Variants in FAM83A observed in about 807,000 individuals in gnomAD.
FAM83A encodes scaffolding CK1 anchoring protein A.
A neutral mutation model predicts 24.4 loss-of-function variants in FAM83A; 21 were observed. The ratio of observed to expected loss-of-function variants is 0.86; its 90% CI spans 0.61 to 1.24. The LOEUF is 1.24. Ranked by LOEUF, FAM83A falls within the 50% of genes most tolerant of loss-of-function variation. The probability of loss-of-function intolerance (pLI) is 0.00; values close to 1 mark genes in which losing one functional copy is unlikely to be tolerated. For synonymous variants in FAM83A, 270 were observed against 252.4 expected (o/e 1.07, Z -0.66); for missense variants, 617 against 579.8 (o/e 1.06, Z -0.66).
chr8:123,182,485 C>G (rs375653911), upstream of FAM83A: 5 of 456,322 alleles, frequency 1.1e-5, no homozygotes, highest in South Asian at 8.4e-5. Flanking sequence ...GTAACAAAGG[C>G]CTGAGGGAGA....
intron 1 of FAM83A, among the ~76,000 whole-genome samples, chr8:123,186,685 C>T (rs1181878889): frequency 3.9e-5 from 6 of 152,158 alleles, no homozygotes; most frequent in African/African-American, 9.7e-5. Flanking sequence ...CAAAAATTAG[C>T]TCGGTGTGGT....
At chr8:123,202,536 T>TGG (rs1164874165) in intron 3 of FAM83A, 1 of 152,762 alleles carries the variant, frequency 6.5e-6, no homozygotes, top group Non-Finnish European at 1.5e-5. Flanking sequence ...GGGACTGGAC[T>TGG]GGGTATGTTT....
chr8:123,191,952 C>A (rs1213332576), exon 2 of FAM83A: 1 of 1,614,134 alleles, frequency 6.2e-7, no homozygotes, highest in Non-Finnish European at 8.5e-7. Context: ...AAGTCCAGAT[C>A]TCTGACAGTC....
upstream of FAM83A, chr8:123,179,619 TA>T (rs1208295534): frequency 6.6e-6 from 1 of 152,206 alleles, no homozygotes; most frequent in African/African-American, 2.4e-5. Flanking sequence ...TGAGTGGCAC[TA>T]ACATGTACGG....
At chr8:123,194,053 G>C in exon 3 of FAM83A, 1 of 1,614,230 alleles carries the variant, frequency 6.2e-7, no homozygotes, top group Non-Finnish European at 8.5e-7. Context: ...TGGAAGGAGA[G>C]ATATACTGTG....
intron 1 of FAM83A, among the ~76,000 whole-genome samples, chr8:123,185,672 G>A (rs1823767782): frequency 6.6e-6 from 1 of 152,196 alleles, no homozygotes; most frequent in Non-Finnish European, 1.5e-5. Flanking sequence ...CTGTTGTCCT[G>A]GGACCCTCAG....
intron 3 of FAM83A, among the ~76,000 whole-genome samples, chr8:123,196,901 T>C (rs1042931459): frequency 6.6e-6 from 1 of 152,216 alleles, no homozygotes; most frequent in Non-Finnish European, 1.5e-5. Flanking sequence ...CACAGGCCTG[T>C]TGTTTAGCTA....
intron 3 of FAM83A, among the ~76,000 whole-genome samples, chr8:123,205,172 G>A (rs766839976): frequency 1.3e-5 from 2 of 152,252 alleles, no homozygotes; most frequent in African/African-American, 2.4e-5. Context: ...CGGGTGTGCA[G>A]GTGTGGCGGG....
At chr8:123,207,310 G>C (rs1243831155) in exon 4 of FAM83A, 2 of 1,610,268 alleles carry the variant, frequency 1.2e-6, no homozygotes, top group Non-Finnish European at 1.7e-6. Flanking sequence ...CCCCCGTCCC[G>C]CCCGGAGCAG....
intron 1 of FAM83A, among the ~76,000 whole-genome samples, chr8:123,184,325 C>A (rs1293751882): frequency 6.6e-6 from 1 of 152,088 alleles, no homozygotes; most frequent in Non-Finnish European, 1.5e-5. Context: ...AACGGGGCCA[C>A]TCCGCTGGGC....
Position 123,188,553 on chromosome 8 carries a change from G to A in FAM83A, c.481-3250G>A, listed in dbSNP as rs746688117. The stretch of plus-strand genomic sequence containing the variant: ...GGCTGGAGTGCGGTGGTGAGATGTC[G>A]GCTCACTGCAACCTCTGCCTCCCAG... On this transcript the variant is annotated intron_variant, in intron 1 of 3. Transcript: ENST00000690554. 5.3e-5 allele frequency among the ~76,000 whole-genome samples: 8 copies of A among 150,512 alleles called. No individual in the cohort carries two copies. The South Asian group carries it at 6.4e-4, about 12-fold the overall frequency.
intron 3 of FAM83A, among the ~76,000 whole-genome samples, chr8:123,205,910 C>T (rs528119818): frequency 6.6e-6 from 1 of 152,006 alleles, no homozygotes; most frequent in East Asian, 1.9e-4. Context: ...TTTGGGAGGC[C>T]GAGGCGGGCG....
chr8:123,200,994 T>A, intron 3 of FAM83A, among the ~76,000 whole-genome samples: 1 of 144,588 alleles, frequency 6.9e-6, no homozygotes, highest in African/African-American at 2.6e-5. Context: ...TACACATATA[T>A]ACAAAAAAAA....
exon 4 of FAM83A, chr8:123,207,244 C>T: frequency 6.2e-7 from 1 of 1,612,954 alleles, no homozygotes; most frequent in Non-Finnish European, 8.5e-7. Context: ...AGGAGTTCCG[C>T]CACCTCTACG....
chr8:123,197,236 A>G (rs942802498), intron 3 of FAM83A, among the ~76,000 whole-genome samples: 2 of 152,222 alleles, frequency 1.3e-5, no homozygotes, highest in African/African-American at 2.4e-5. Context: ...CAAACGTTAT[A>G]GAATTTGAAG....
intron 1 of FAM83A, among the ~76,000 whole-genome samples, chr8:123,186,311 C>A (rs1044828651): frequency 7.2e-5 from 11 of 152,314 alleles, no homozygotes; most frequent in Non-Finnish European, 1.0e-4. Context: ...CCCATAGACA[C>A]AGCTGGGGAG....
At chr8:123,204,278 A>T (rs1824465710) in intron 3 of FAM83A, among the ~76,000 whole-genome samples, 1 of 152,108 alleles carries the variant, frequency 6.6e-6, no homozygotes, top group South Asian at 2.1e-4. Flanking sequence ...AAGAGAAAAA[A>T]TTTTTAAAAA....
At chr8:123,183,691 T>C (rs193035603) in intron 1 of FAM83A, among the ~76,000 whole-genome samples, 52 of 150,268 alleles carry the variant, frequency 3.5e-4, no homozygotes, top group African/African-American at 1.3e-3. Flanking sequence ...TTCTTTTTTT[T>C]TTTCTTTTTT....
chr8:123,208,712 G>A (rs544454233), exon 4 of FAM83A: 1 of 985,540 alleles, frequency 1.0e-6, no homozygotes, highest in Admixed American at 6.1e-5. Flanking sequence ...GCATACAGGA[G>A]GGGCCAGGCG....
Sources: allele counts gnomAD v4.1 joint callset (sites outside exome capture counted in the v4.1 genomes callset), GRCh38; gene constraint gnomAD v4.1.1; transcripts MANE v1.5; gene names NCBI Gene and HGNC (gene_info 2026-07-23, HGNC 2026-07-21).